Variants in NEBL observed in about 807,000 individuals in gnomAD.
The protein encoded by NEBL is LIM and SH3 protein 2.
Under a neutral mutation model 140.2 loss-of-function variants are expected in NEBL, and 122 were observed. The observed-to-expected ratio is 0.87, with a 90% CI of 0.75 to 1.01. The LOEUF (loss-of-function observed/expected upper bound fraction) is 1.01. NEBL is among the 50% of genes least tolerant of loss of function. The probability of loss-of-function intolerance (pLI) is 0.00; values close to 1 mark genes in which losing one functional copy is unlikely to be tolerated. For missense variants in NEBL, 1,365 were observed against 1,231.3 expected, an observed-to-expected ratio of 1.11 and a Z score of -1.62; for synonymous variants, 436 against 398.9, an observed-to-expected ratio of 1.09 and a Z score of -1.11.
At chr10:20,910,894 A>C (rs891559374) in intron 4 of NEBL, among the ~76,000 whole-genome samples, 1 of 150,384 alleles carries the variant, frequency 6.6e-6, no homozygotes, top group Non-Finnish European at 1.5e-5. Context: ...CTGGCCAGGC[A>C]TGGTGGTTCA....
chr10:21,204,650 C>T (rs1841797542), intron 3 of NEBL, among the ~76,000 whole-genome samples: 1 of 151,838 alleles, frequency 6.6e-6, no homozygotes, highest in African/African-American at 2.4e-5. Flanking sequence ...GTTAAGGAAG[C>T]CCTAGCAGAG....
chr10:21,227,693 TTCTTCTTCTTCTTCTTCTTTCTTC>T (rs1437384060), intron 3 of NEBL, among the ~76,000 whole-genome samples: 30 of 90,970 alleles, frequency 3.3e-4, no homozygotes, highest in African/African-American at 1.6e-3. Context: ...CTTCTTCTTC[TTCTTCTTCTTCTTCTTCTTTCTTC>T]TTCTTCTTCT....
At chr10:21,102,167 C>CTTAA (rs1214231228) in intron 2 of NEBL, among the ~76,000 whole-genome samples, 1 of 152,214 alleles carries the variant, frequency 6.6e-6, no homozygotes, top group Non-Finnish European at 1.5e-5. Flanking sequence ...TAATAAGCTA[C>CTTAA]TTAAATGTTT....
At chr10:21,136,831 T>C (rs1178780696) in intron 2 of NEBL, among the ~76,000 whole-genome samples, 2 of 152,200 alleles carry the variant, frequency 1.3e-5, no homozygotes, top group African/African-American at 4.8e-5. Flanking sequence ...AATTCCTATC[T>C]AGAGCAAAAT....
intron 2 of NEBL, among the ~76,000 whole-genome samples, chr10:21,142,683 C>T (rs961993915): frequency 3.9e-5 from 6 of 152,166 alleles, no homozygotes; most frequent in Non-Finnish European, 7.4e-5. Flanking sequence ...ACCCCCAGGG[C>T]GGCAGACGGT....
At chr10:20,841,572 A>T (rs369343009) in intron 12 of NEBL, 81 of 152,404 alleles carry the variant, frequency 5.3e-4, no homozygotes, top group African/African-American at 1.8e-3. Flanking sequence ...TCATCCATAG[A>T]TAATGAAATG....
rs375110656 is a variant in NEBL at position 20,800,694 on chromosome 10, A to G, written c.2761+7816T>C. On this transcript the variant is annotated intron_variant, in intron 26 of 27. Transcript: ENST00000377122. Reference sequence around the variant, plus strand: ...TCTGCATAAACGACAAATGCTCACAATAAGAGAGGTTGCGATATTTGAAAA... The same window carrying G: ...TCTGCATAAACGACAAATGCTCACAGTAAGAGAGGTTGCGATATTTGAAAA... Among the ~76,000 whole-genome samples, 6 of 148,338 alleles carry G rather than the reference A, an allele frequency of 4.0e-5. No individual in the cohort carries two copies. In the East Asian group the frequency reaches 6.0e-4, roughly 15 times the overall value.
At chr10:20,844,028 C>T (rs1841651383) in intron 12 of NEBL, among the ~76,000 whole-genome samples, 1 of 152,094 alleles carries the variant, frequency 6.6e-6, no homozygotes, top group Admixed American at 6.6e-5. Flanking sequence ...TTGCCATTTG[C>T]TTAGCCTTCA....
chr10:21,187,449 T>C (rs998351693), intron 3 of NEBL, among the ~76,000 whole-genome samples: 3 of 152,034 alleles, frequency 2.0e-5, no homozygotes, highest in African/African-American at 7.2e-5. Flanking sequence ...AAATAATTTC[T>C]TTTGAGGGCA....
At chr10:21,268,132 T>C (rs1171349211) in intron 1 of NEBL, among the ~76,000 whole-genome samples, 1 of 152,114 alleles carries the variant, frequency 6.6e-6, no homozygotes, top group African/African-American at 2.4e-5. Flanking sequence ...CTCCTCTCAC[T>C]GCATGTGACC....
intron 4 of NEBL, among the ~76,000 whole-genome samples, chr10:20,928,331 C>T (rs911155710): frequency 2.0e-5 from 3 of 152,178 alleles, no homozygotes; most frequent in African/African-American, 7.2e-5. Flanking sequence ...GCAGTAGTCA[C>T]ATGTGGCCAG....
At chr10:20,825,050 C>G (rs1314588499) in intron 18 of NEBL, among the ~76,000 whole-genome samples, 1 of 152,200 alleles carries the variant, frequency 6.6e-6, no homozygotes, top group Non-Finnish European at 1.5e-5. Context: ...CCTCCTTACA[C>G]TTTATTCAAG....
At chr10:21,106,622 T>A (rs921646590) in intron 2 of NEBL, among the ~76,000 whole-genome samples, 1 of 152,238 alleles carries the variant, frequency 6.6e-6, no homozygotes, top group Non-Finnish European at 1.5e-5. Flanking sequence ...GGTAGCACGA[T>A]GCCTCCCACT....
chr10:20,969,720 A>T (rs1229030124), intron 3 of NEBL, among the ~76,000 whole-genome samples: 2 of 151,552 alleles, frequency 1.3e-5, no homozygotes, highest in East Asian at 3.9e-4. Context: ...TAATTTTTGA[A>T]TTTTTAGTAG....
chr10:21,264,911 G>C (rs981607010), intron 1 of NEBL, among the ~76,000 whole-genome samples: 1 of 151,528 alleles, frequency 6.6e-6, no homozygotes, highest in Non-Finnish European at 1.5e-5. Context: ...AAGAGAGCTT[G>C]CTGAGCCTCT....
intron 2 of NEBL, among the ~76,000 whole-genome samples, chr10:21,081,496 A>G (rs185121912): frequency 1.3e-5 from 2 of 152,226 alleles, no homozygotes; most frequent in Non-Finnish European, 2.9e-5. Flanking sequence ...CTCATTTTTA[A>G]TAGTACCTAT....
intron 2 of NEBL, among the ~76,000 whole-genome samples, chr10:21,060,483 T>C (rs566784999): frequency 6.6e-6 from 1 of 152,322 alleles, no homozygotes; most frequent in South Asian, 2.1e-4. Context: ...ACAGCTATTA[T>C]ATCGTACACC....
At chr10:20,915,492 G>A (rs939935020) in intron 4 of NEBL, among the ~76,000 whole-genome samples, 10 of 150,448 alleles carry the variant, frequency 6.6e-5, no homozygotes, top group Non-Finnish European at 1.5e-4. Context: ...ACCTATGAGT[G>A]AGAATACATG....
intron 4 of NEBL, among the ~76,000 whole-genome samples, chr10:20,882,576 C>A (rs1321696671): frequency 1.3e-5 from 2 of 152,094 alleles, no homozygotes; most frequent in African/African-American, 4.8e-5. Context: ...GTTTAGTGAA[C>A]AGATGAATAA....
Sources: allele counts gnomAD v4.1 joint callset (sites outside exome capture counted in the v4.1 genomes callset), GRCh38; gene constraint gnomAD v4.1.1; transcripts MANE v1.5; gene names NCBI Gene and HGNC (gene_info 2026-07-23, HGNC 2026-07-21).